NEGR1: variants seen among roughly 807,000 people sequenced by gnomAD.
NEGR1 encodes the protein IgLON family member 4.
Under a neutral mutation model 40.9 loss-of-function variants are expected in NEGR1, and 10 were observed. The ratio of observed to expected loss-of-function variants is 0.24; its 90% confidence interval spans 0.15 to 0.42. The LOEUF is 0.42. NEGR1 is among the 10% of genes least tolerant of loss of function. The probability of loss-of-function intolerance (pLI) is 1.00; values close to 1 mark genes in which losing one functional copy is unlikely to be tolerated. For synonymous variants in NEGR1, 185 were observed against 166.8 expected (o/e 1.11, Z -0.84); for missense variants, 352 against 438.9 (o/e 0.80, Z 1.77).
At chr1:71,612,119 G>A (rs1282242609) in intron 4 of NEGR1, among the ~76,000 whole-genome samples, 2 of 152,220 alleles carry the variant, frequency 1.3e-5, no homozygotes, top group African/African-American at 4.8e-5. Flanking sequence ...CTACTCGGGA[G>A]GCTGAGGCAG....
chr1:71,914,117 A>G (rs1661506005), intron 2 of NEGR1, among the ~76,000 whole-genome samples: 1 of 152,222 alleles, frequency 6.6e-6, no homozygotes, highest in Non-Finnish European at 1.5e-5. Context: ...TGATTCTGAG[A>G]CGCCAATCCT....
chr1:71,771,331 G>A (rs929890264), intron 3 of NEGR1, among the ~76,000 whole-genome samples: 5 of 152,028 alleles, frequency 3.3e-5, no homozygotes, highest in African/African-American at 1.2e-4. Context: ...ATAGCATTAG[G>A]AGAAATACTT....
intron 1 of NEGR1, among the ~76,000 whole-genome samples, chr1:71,991,213 A>G (rs1481489428): frequency 6.6e-6 from 1 of 152,132 alleles, no homozygotes; most frequent in Non-Finnish European, 1.5e-5. Flanking sequence ...TCTCTCTGAA[A>G]TCTACCCTCT....
At chr1:71,872,233 A>C (rs1288796897) in intron 2 of NEGR1, among the ~76,000 whole-genome samples, 1 of 152,176 alleles carries the variant, frequency 6.6e-6, no homozygotes, top group Non-Finnish European at 1.5e-5. Flanking sequence ...GTTTCCCTCT[A>C]AGTACACCTA....
intron 6 of NEGR1, among the ~76,000 whole-genome samples, chr1:71,447,836 TA>T (rs1646593511): frequency 6.6e-6 from 1 of 152,212 alleles, no homozygotes; most frequent in South Asian, 2.1e-4. Context: ...ATGAATGAAA[TA>T]TTTTTTTCTG....
Position 72,013,963 on chromosome 1 carries a change from T to TAAAAAAA in NEGR1, c.177-78659_177-78653dup, listed in dbSNP as rs1161156816. On this transcript the variant is annotated intron_variant, in intron 1 of 6. Coordinates refer to ENST00000357731, the MANE Select transcript of NEGR1 (RefSeq NM_173808.3). ...GTCCCAAGAGATGCTCTGTGAAAAA[T>TAAAAAAA]AAAAAAAAAAAAAAAAAAAAAAAAA... Among the ~76,000 whole-genome samples, 52 of 87,834 alleles carry TAAAAAAA rather than the reference T, an allele frequency of 5.9e-4. 1 individual carries two copies. Among genetic ancestry groups the TAAAAAAA allele is most frequent in the Middle Eastern group, 8.5e-3 (1 of 118 alleles). 57.6% of individuals were successfully genotyped at this position (87,834 alleles called of 152,430 possible). A position where few individuals can be genotyped will look rare whatever the true frequency, so the allele number is the denominator to read the frequency against.
chr1:72,265,783 T>A (rs539318578), intron 1 of NEGR1, among the ~76,000 whole-genome samples: 67 of 151,026 alleles, frequency 4.4e-4, no homozygotes, highest in African/African-American at 1.5e-3. Context: ...ATACAAATCA[T>A]AGGACTGTCA....
intron 4 of NEGR1, among the ~76,000 whole-genome samples, chr1:71,641,570 C>A (rs1651352652): frequency 6.6e-6 from 1 of 152,092 alleles, no homozygotes. Context: ...GAGGCACATT[C>A]ATTCCATTTC....
chr1:71,689,538 T>G (rs1484434481), intron 4 of NEGR1, among the ~76,000 whole-genome samples: 1 of 152,150 alleles, frequency 6.6e-6, no homozygotes, highest in African/African-American at 2.4e-5. Context: ...TTTTATCACC[T>G]AGTAAATTTT....
At chr1:72,142,011 T>C (rs1033514302) in intron 1 of NEGR1, among the ~76,000 whole-genome samples, 1 of 152,004 alleles carries the variant, frequency 6.6e-6, no homozygotes, top group African/African-American at 2.4e-5. Context: ...AGTAGCTGCA[T>C]GAACACTGTA....
chr1:71,562,081 A>C (rs887747479), intron 6 of NEGR1, among the ~76,000 whole-genome samples: 3 of 151,708 alleles, frequency 2.0e-5, no homozygotes, highest in African/African-American at 7.2e-5. Context: ...TGACTTATTA[A>C]AGTTCTTTAT....
At chr1:71,664,556 GA>G (rs1652175422) in intron 4 of NEGR1, among the ~76,000 whole-genome samples, 1 of 152,042 alleles carries the variant, frequency 6.6e-6, no homozygotes, top group South Asian at 2.1e-4. Flanking sequence ...ATTTAGAAGA[GA>G]AGGGAGGGAG....
At chr1:71,852,283 T>G (rs1417759123) in intron 2 of NEGR1, among the ~76,000 whole-genome samples, 1 of 152,106 alleles carries the variant, frequency 6.6e-6, no homozygotes, top group Non-Finnish European at 1.5e-5. Flanking sequence ...TAGACCAGAG[T>G]TGACAAGCCG....
At chr1:71,926,294 C>T (rs1645772252) in intron 2 of NEGR1, among the ~76,000 whole-genome samples, 3 of 151,702 alleles carry the variant, frequency 2.0e-5, no homozygotes, top group African/African-American at 7.2e-5. Flanking sequence ...ATATCCTATT[C>T]CCAGATATGT....
chr1:71,563,197 C>G (rs1035416778), intron 6 of NEGR1, among the ~76,000 whole-genome samples: 1 of 151,906 alleles, frequency 6.6e-6, no homozygotes, highest in Non-Finnish European at 1.5e-5. Context: ...GACTGACTAC[C>G]TTTTACTTAA....
intron 2 of NEGR1, among the ~76,000 whole-genome samples, chr1:71,906,298 G>A (rs79743792): frequency 0.023 from 3,483 of 151,842 alleles, 116 homozygotes; most frequent in African/African-American, 0.081. Flanking sequence ...TACGCTGCTC[G>A]GGTAATGGGT....
chr1:71,813,720 T>C (rs529063114), intron 2 of NEGR1, among the ~76,000 whole-genome samples: 47 of 152,128 alleles, frequency 3.1e-4, no homozygotes, highest in African/African-American at 1.1e-3. Context: ...TCATTCAAGA[T>C]CTGACTTTCT....
At chr1:71,474,703 G>A (rs1646807724) in intron 6 of NEGR1, among the ~76,000 whole-genome samples, 1 of 124,076 alleles carries the variant, frequency 8.1e-6, no homozygotes, top group Non-Finnish European at 1.6e-5. Context: ...GGGTGGTGGA[G>A]CGAGACTCTA....
intron 1 of NEGR1, among the ~76,000 whole-genome samples, chr1:72,031,877 A>G (rs1646861755): frequency 6.6e-6 from 1 of 152,156 alleles, no homozygotes; most frequent in African/African-American, 2.4e-5. Flanking sequence ...ATATTCAAGA[A>G]GAGGAAGGGG....
Sources: gnomAD v4.1 joint callset for allele counts (sites outside exome capture counted in the v4.1 genomes callset) on GRCh38, gnomAD v4.1.1 for gene constraint, MANE v1.5 for transcripts, NCBI Gene and HGNC (gene_info 2026-07-23, HGNC 2026-07-21) for gene names.